LRRC37A2: variants seen among roughly 807,000 people sequenced by gnomAD.
The protein encoded by LRRC37A2 is leucine-rich repeat-containing protein 37A2.
LRRC37A2 carries 9 observed loss-of-function variants against 68.8 expected under a neutral mutation model. The ratio of observed to expected loss-of-function variants is 0.13; its 90% CI spans 0.08 to 0.23. The LOEUF is 0.23. Ranked by LOEUF, LRRC37A2 falls within the 10% of genes least tolerant of loss-of-function variation. The pLI is 1.00. For synonymous variants in LRRC37A2, 63 were observed against 367.6 expected (o/e 0.17, Z 9.48); for missense variants, 168 against 950.4 (o/e 0.18, Z 10.82).
At chr17:46,938,804 AGT>A in the LRRC37A2 span, 135 of 1,581,176 alleles carry the variant, frequency 8.5e-5, no homozygotes, top group East Asian at 1.8e-4. Flanking sequence ...ACAGCCTGCA[AGT>A]GTGTGTGTGT....
At chr17:46,503,173 C>G in the LRRC37A2 span, among the ~76,000 whole-genome samples, 1 of 139,782 alleles carries the variant, frequency 7.2e-6, no homozygotes, top group Non-Finnish European at 1.5e-5. Context: ...GATCATGCCA[C>G]TGCACTCCAG....
At chr17:46,718,858 A>T in the LRRC37A2 span, among the ~76,000 whole-genome samples, 6 of 152,326 alleles carry the variant, frequency 3.9e-5, no homozygotes, top group East Asian at 1.2e-3. Flanking sequence ...ACTTATTATT[A>T]TACATACATT....
chr17:46,925,369 A>C, the LRRC37A2 span, among the ~76,000 whole-genome samples: 1 of 152,204 alleles, frequency 6.6e-6, no homozygotes, highest in Admixed American at 6.5e-5. Context: ...TTGAGCACCT[A>C]CTATGTGCTG....
chr17:46,676,162 A>G, the LRRC37A2 span, among the ~76,000 whole-genome samples: 2 of 144,352 alleles, frequency 1.4e-5, no homozygotes, highest in Admixed American at 6.9e-5. Flanking sequence ...CCACAGGGAA[A>G]TTAACAAAAA....
At chr17:46,771,680 C>T in the LRRC37A2 span, among the ~76,000 whole-genome samples, 1 of 143,838 alleles carries the variant, frequency 7.0e-6, no homozygotes, top group African/African-American at 2.5e-5. Context: ...CGCGTAGCAA[C>T]GGGCGGCTCC....
At chr17:46,818,425 A>G in the LRRC37A2 span, 1 of 1,287,942 alleles carries the variant, frequency 7.8e-7, no homozygotes, top group Non-Finnish European at 1.1e-6. Context: ...GAGGAGCCCC[A>G]GCCCTGCAGC....
chr17:46,750,024 G>A, the LRRC37A2 span: 21 of 1,190,758 alleles, frequency 1.8e-5, no homozygotes, highest in Non-Finnish European at 2.1e-5. Flanking sequence ...CATGGGACCC[G>A]GGGATATTAC....
At chr17:46,771,065 G>A in the LRRC37A2 span, among the ~76,000 whole-genome samples, 1 of 152,196 alleles carries the variant, frequency 6.6e-6, no homozygotes, top group African/African-American at 2.4e-5. Context: ...CTCCCCTCCT[G>A]GGCTGTGGGC....
chr17:47,037,293 C>G, the LRRC37A2 span, among the ~76,000 whole-genome samples: 1 of 151,820 alleles, frequency 6.6e-6, no homozygotes, highest in Non-Finnish European at 1.5e-5. Context: ...CCAATGGAGA[C>G]GGGGTTTCAG....
At chr17:46,974,041 A>T in the LRRC37A2 span, among the ~76,000 whole-genome samples, 1 of 152,202 alleles carries the variant, frequency 6.6e-6, no homozygotes, top group South Asian at 2.1e-4. Context: ...AGTAAGTAAG[A>T]AAGTAAGTGG....
chr17:46,818,275 T>C, the LRRC37A2 span, among the ~76,000 whole-genome samples: 1 of 151,214 alleles, frequency 6.6e-6, no homozygotes, highest in South Asian at 2.1e-4. Flanking sequence ...CCTTCTGAGA[T>C]GGGAAAAGTC....
chr17:46,818,905 T>C, the LRRC37A2 span: 1 of 449,186 alleles, frequency 2.2e-6, no homozygotes, highest in African/African-American at 2.0e-5. Context: ...CCAGCAAACT[T>C]GGGCAAAGCC....
At chr17:46,466,589 CCATGTCCCTG>C in the LRRC37A2 span, among the ~76,000 whole-genome samples, 1 of 52,406 alleles carries the variant, frequency 1.9e-5, no homozygotes, top group Admixed American at 1.8e-4. Context: ...CCAGCTTCAT[CCATGTCCCTG>C]CCAAGGACAT....
At chr17:46,811,150 C>G in the LRRC37A2 span, among the ~76,000 whole-genome samples, 3 of 100,966 alleles carry the variant, frequency 3.0e-5, no homozygotes, top group African/African-American at 9.0e-5. Flanking sequence ...CTGGCTTCAG[C>G]AACTCTACCC....
At chr17:46,800,765 TGGA>T in the LRRC37A2 span, among the ~76,000 whole-genome samples, 1 of 152,152 alleles carries the variant, frequency 6.6e-6, no homozygotes, top group Non-Finnish European at 1.5e-5. Context: ...TGAAAGATGA[TGGA>T]GAACTGGTCC....
the LRRC37A2 span, chr17:47,010,772 T>C: frequency 2.6e-5 from 4 of 152,050 alleles, no homozygotes; most frequent in African/African-American, 9.7e-5. Flanking sequence ...GGGAGAGAAG[T>C]AGGCTATGAA....
the LRRC37A2 span, among the ~76,000 whole-genome samples, chr17:46,719,980 C>T: frequency 1.4e-4 from 21 of 152,138 alleles, no homozygotes; most frequent in East Asian, 1.9e-4. This position sits in a 1 kb window ranked among gnomAD's most constrained non-coding sequence, Gnocchi z 4.3. Context: ...TAGCTTTGCA[C>T]GAAAGAAATA....
At chr17:46,828,620 G>C in the LRRC37A2 span, among the ~76,000 whole-genome samples, 2 of 152,138 alleles carry the variant, frequency 1.3e-5, no homozygotes, top group African/African-American at 2.4e-5. Flanking sequence ...ACAACAAAAG[G>C]GAGGGTGTAG....
At chr17:46,493,671 G>A in the LRRC37A2 span, among the ~76,000 whole-genome samples, 4 of 149,088 alleles carry the variant, frequency 2.7e-5, 1 homozygote, top group African/African-American at 1.0e-4. Context: ...CCAAGTAGCT[G>A]GGACTACAGG....
Sources: gnomAD v4.1 joint callset for allele counts (sites outside exome capture counted in the v4.1 genomes callset) on GRCh38, gnomAD v4.1.1 for gene constraint, Gnocchi (gnomAD v3.1) non-coding constraint, MANE v1.5 for transcripts, NCBI Gene and HGNC (gene_info 2026-07-23, HGNC 2026-07-21) for gene names.